ADAMTS20: variants seen among roughly 807,000 people sequenced by gnomAD.
ADAMTS20 encodes the protein A disintegrin and metalloproteinase with thrombospondin motifs 20.
A neutral mutation model predicts 260.1 loss-of-function variants in ADAMTS20; 225 were observed. The observed-to-expected ratio is 0.87, with a 90% CI of 0.78 to 0.97. ADAMTS20 has a LOEUF of 0.97. Among genes scored for constraint, ADAMTS20 ranks in the 50% least tolerant of loss-of-function variants. The pLI is 0.00. For missense variants in ADAMTS20, 2,400 were observed against 2,337.7 expected (o/e 1.03, Z -0.55); for synonymous variants, 802 against 769.5 (o/e 1.04, Z -0.70).
At chr12:43,487,000 TG>T in intron 7 of ADAMTS20, among the ~76,000 whole-genome samples, 1 of 152,296 alleles carries the variant, frequency 6.6e-6, no homozygotes, top group Non-Finnish European at 1.5e-5. Flanking sequence ...ATAACCTCTG[TG>T]GAAAATAGTA....
chr12:43,399,039 T>G, intron 29 of ADAMTS20, 27 bp downstream of exon 29: 3 of 1,282,202 alleles, frequency 2.3e-6, no homozygotes, highest in Non-Finnish European at 3.0e-6. Flanking sequence ...AAAATACATA[T>G]ATAATTATAA....
downstream of ADAMTS20, chr12:43,353,766 A>T (rs561608127): frequency 6.6e-6 from 1 of 152,416 alleles, no homozygotes; most frequent in South Asian, 2.1e-4. Flanking sequence ...AATAATGTTT[A>T]TAGTAATTTT....
intron 2 of ADAMTS20, among the ~76,000 whole-genome samples, chr12:43,547,209 G>T (rs1316726268): frequency 6.6e-6 from 1 of 152,148 alleles, no homozygotes; most frequent in African/African-American, 2.4e-5. Context: ...ATATTAATTT[G>T]ATTTGTTTTT....
chr12:43,472,575 G>A (rs1942283134), intron 7 of ADAMTS20, among the ~76,000 whole-genome samples: 1 of 133,214 alleles, frequency 7.5e-6, no homozygotes, highest in African/African-American at 2.9e-5. Context: ...AATGTGAAGG[G>A]CAGCCAGAGA....
At position 43,551,056 on chromosome 12, in the gene ADAMTS20, G is replaced by A. The variant is rs1308701804; in HGVS notation, c.306C>T (p.Ala102=). ...NLTADASFLA[A]GYTEVHLGTP... ...TTCCCAAGTGCACCTCGGTGTAGCC[G>A]GCGGCCAGAAAGGATGCATCGGCGG... Residue 102 remains alanine, a synonymous_variant, in exon 2 of 39, where the codon GCC becomes GCT. Coordinates refer to ENST00000389420, the MANE Select transcript of ADAMTS20 (RefSeq NM_025003.5). This position sits in a 1 kb window ranked among gnomAD's most constrained non-coding sequence, Gnocchi z 4.6. 6.2e-7 allele frequency: 1 copy of A among 1,613,648 alleles called. No homozygotes were observed. Among genetic ancestry groups the A allele is most frequent in the Admixed American group, 1.7e-5 (1 of 59,990 alleles).
At position 43,399,083 on chromosome 12, in the gene ADAMTS20, C is replaced by A; in HGVS notation, c.4435G>T (p.Ala1479Ser). Reference sequence around the variant, plus strand: ...TCATATACCTCATTCCAGCTATTGGCTTTCCATGAAGGGCATCTGACAGAT... The same window carrying A: ...TCATATACCTCATTCCAGCTATTGGATTTCCATGAAGGGCATCTGACAGAT... ...CRSVRCPSWKANSWNECSVTC... is the reference protein window; with the variant it reads ...CRSVRCPSWKSNSWNECSVTC... The change falls in exon 29 of 39, where the codon GCC (alanine) becomes TCC (serine). Residue 1479 changes from alanine (A) to serine (S), a missense_variant. By Grantham distance (99) the Ala-to-Ser change is moderately conservative. Coordinates refer to ENST00000389420, the MANE Select transcript of ADAMTS20 (RefSeq NM_025003.5). 6.6e-7 allele frequency: 1 copy of A among 1,522,566 alleles called. No homozygotes were observed. Among genetic ancestry groups the A allele is most frequent in the South Asian group, 1.3e-5 (1 of 78,114 alleles). The allele number at this position is 1,522,566 out of a possible 1,614,324, so 94.3% of individuals were successfully genotyped here. A position where few individuals can be genotyped will look rare whatever the true frequency, so the allele number is the denominator to read the frequency against.
chr12:43,424,630 T>C (rs1419593266), intron 28 of ADAMTS20, among the ~76,000 whole-genome samples: 2 of 152,082 alleles, frequency 1.3e-5, no homozygotes, highest in African/African-American at 4.8e-5. Context: ...TATTAACAGA[T>C]GAAAGCCACA....
At chr12:43,526,095 T>C (rs1943137973) in intron 3 of ADAMTS20, among the ~76,000 whole-genome samples, 1 of 152,202 alleles carries the variant, frequency 6.6e-6, no homozygotes. Flanking sequence ...CATCAGCACA[T>C]GGAACATTTT....
intron 7 of ADAMTS20, among the ~76,000 whole-genome samples, chr12:43,489,598 A>C (rs1273205226): frequency 6.6e-6 from 1 of 152,026 alleles, no homozygotes; most frequent in Non-Finnish European, 1.5e-5. Context: ...CCCAGTATTT[A>C]TAAAGATATA....
chr12:43,502,037 A>G, intron 4 of ADAMTS20, 115 bp downstream of exon 4: 1 of 967,584 alleles, frequency 1.0e-6, no homozygotes, highest in Non-Finnish European at 1.5e-6. Context: ...TTTGGCTTAA[A>G]CCTAGATACA....
At position 43,492,586 on chromosome 12, in the gene ADAMTS20, T is replaced by G. The variant is rs375762593; in HGVS notation, c.995A>C (p.Asn332Thr). Residue 332 changes from asparagine to threonine, a missense_variant, in exon 6 of 39, where the codon AAC becomes ACC. Coordinates refer to ENST00000389420, the MANE Select transcript of ADAMTS20 (RefSeq NM_025003.5). ...INFDGATTLK[N>T]FCSWQQTQND... ...CTGAGTTTGTTGCCATGAACAAAAG[T>G]TCTTTAATGTGGTAGCACCATCAAA... 7 of 1,613,608 alleles carry G rather than the reference T, an allele frequency of 4.3e-6. No homozygotes were observed. The highest frequency in any genetic ancestry group is 1.3e-5 in the African/African-American group (1 of 74,886).
At chr12:43,396,485 G>A (rs1940706157) in intron 29 of ADAMTS20, among the ~76,000 whole-genome samples, 2 of 152,126 alleles carry the variant, frequency 1.3e-5, no homozygotes. Flanking sequence ...GCTTGCAATT[G>A]TTAACTTCGT....
At chr12:43,500,076 TG>T (rs1184158750) in intron 4 of ADAMTS20, among the ~76,000 whole-genome samples, 1 of 151,554 alleles carries the variant, frequency 6.6e-6, no homozygotes, top group Non-Finnish European at 1.5e-5. Context: ...TCGGCCAGAC[TG>T]GAGTGCAGTG....
intron 4 of ADAMTS20, among the ~76,000 whole-genome samples, chr12:43,501,055 C>A (rs2407623): frequency 9.5e-6 from 1 of 104,882 alleles, no homozygotes; most frequent in Non-Finnish European, 1.8e-5. Context: ...CTATGTAATT[C>A]TTTTTTTTTT....
At chr12:43,474,385 T>A (rs1942315719) in intron 7 of ADAMTS20, among the ~76,000 whole-genome samples, 1 of 150,498 alleles carries the variant, frequency 6.6e-6, no homozygotes. Flanking sequence ...ACCAGATGGA[T>A]TCACAGCCGA....
At chr12:43,500,997 T>C (rs1942750089) in intron 4 of ADAMTS20, among the ~76,000 whole-genome samples, 1 of 150,834 alleles carries the variant, frequency 6.6e-6, no homozygotes, top group Non-Finnish European at 1.5e-5. Context: ...TAGAAGTACT[T>C]CCAGCAATGA....
In ADAMTS20 at chr12:43,452,597, T is replaced by C. The variant is rs764752305; in HGVS notation, c.1859A>G (p.Lys620Arg). 6.2e-7 allele frequency: 1 copy of C among 1,613,582 alleles called. No individual in the cohort carries two copies. Among genetic ancestry groups the C allele is most frequent in the South Asian group, 1.1e-5 (1 of 91,062 alleles). The change falls in exon 13 of 39, where the codon AAG becomes AGG. Residue 620 changes from lysine (K) to arginine (R), a missense_variant. Physicochemically the swap from Lys to Arg is conservative, Grantham distance 26 (BLOSUM62 2). Coordinates refer to ENST00000389420, the MANE Select transcript of ADAMTS20 (RefSeq NM_025003.5). ...CPKGTQDFRE[K>R]QCSDFNGKHL... ...TTTACCATTAAAATCAGAGCACTGC[T>C]TCTCTCGAAAGTCTTGTGTGCCTTT... is the stretch of plus-strand genomic sequence containing the variant.
rs1374460127 is a variant in ADAMTS20 at position 43,435,653 on chromosome 12, A to AC, written c.2594-1283_2594-1282insG. Among the ~76,000 whole-genome samples, 400 of 143,184 alleles carry AC rather than the reference A, an allele frequency of 2.8e-3. 2 individuals are homozygous for AC. Among genetic ancestry groups the AC allele is most frequent in the Non-Finnish European group, 4.8e-3 (316 of 66,334 alleles). 93.9% of individuals were successfully genotyped at this position (143,184 alleles called of 152,430 possible). On this transcript the variant is annotated intron_variant, in intron 18 of 38. Transcript: ENST00000389420. ...GAGACTCCATTTCTAAAAAAAAAAA[A>AC]AAAACAAAAAAATAAAAATAAAAAT...
At chr12:43,506,133 A>T (rs1187397772) in intron 3 of ADAMTS20, among the ~76,000 whole-genome samples, 1 of 120,832 alleles carries the variant, frequency 8.3e-6, no homozygotes, top group Non-Finnish European at 1.8e-5. Flanking sequence ...AAACAAACAA[A>T]CAAAAACAAC....
Sources: allele counts gnomAD v4.1 joint callset (sites outside exome capture counted in the v4.1 genomes callset), GRCh38; gene constraint gnomAD v4.1.1; non-coding constraint Gnocchi (gnomAD v3.1); transcripts MANE v1.5; gene names NCBI Gene and HGNC (gene_info 2026-07-23, HGNC 2026-07-21).